CDH12: variants seen among roughly 807,000 people sequenced by gnomAD.
CDH12 encodes the protein cadherin 12.
In CDH12, 41 loss-of-function variants were observed where a neutral mutation model predicts 74.1. The observed-to-expected ratio is 0.55, with a 90% CI of 0.43 to 0.72. CDH12 has a LOEUF of 0.72. Among genes scored for constraint, CDH12 ranks in the 30% least tolerant of loss-of-function variants. The probability of loss-of-function intolerance (pLI) is 0.00; values close to 1 mark genes in which losing one functional copy is unlikely to be tolerated. For missense variants in CDH12, 945 were observed against 977.2 expected (o/e 0.97, Z 0.44); for synonymous variants, 399 against 355.0 (o/e 1.12, Z -1.39).
chr5:22,529,124 C>T (rs1416547012), intron 1 of CDH12, among the ~76,000 whole-genome samples: 1 of 96,346 alleles, frequency 1.0e-5, no homozygotes, highest in Non-Finnish European at 2.1e-5. Context: ...GCATGCAAAA[C>T]ATGAATATAT....
At chr5:21,923,097 A>G (rs994191812) in intron 6 of CDH12, among the ~76,000 whole-genome samples, 1 of 142,272 alleles carries the variant, frequency 7.0e-6, no homozygotes, top group Non-Finnish European at 1.6e-5. Context: ...CCACTTTAAT[A>G]TTTTTCTTGT....
chr5:22,186,821 A>G (rs771163769), intron 4 of CDH12, among the ~76,000 whole-genome samples: 62 of 152,182 alleles, frequency 4.1e-4, no homozygotes, highest in Non-Finnish European at 5.1e-4. Context: ...AATAAGTTGT[A>G]ATGACACAGT....
At chr5:22,121,595 TAATTAA>T (rs563041790) in intron 4 of CDH12, among the ~76,000 whole-genome samples, 195 of 152,344 alleles carry the variant, frequency 1.3e-3, no homozygotes, top group Non-Finnish European at 2.4e-3. Flanking sequence ...CAATTCTTGA[TAATTAA>T]CATTAAGTTT....
At chr5:21,826,043 C>T (rs1748653638) in intron 8 of CDH12, among the ~76,000 whole-genome samples, 2 of 152,186 alleles carry the variant, frequency 1.3e-5, no homozygotes, top group African/African-American at 2.4e-5. Flanking sequence ...TTCTACTTTA[C>T]AAACGTGGTC....
intron 1 of CDH12, among the ~76,000 whole-genome samples, chr5:22,517,185 T>C (rs1037373136): frequency 9.2e-5 from 14 of 152,098 alleles, no homozygotes; most frequent in African/African-American, 3.4e-4. Flanking sequence ...TTTTACAGTT[T>C]AAAAATAAGA....
rs565709892 is a variant in CDH12, at chr5:22,321,285, A to C, written c.-333+83972T>G. ...ATAGACTGGATTAAGAAAATGTGGC[A>C]CATATACACCATGGAATACTATGCA... On this transcript the variant is annotated intron_variant, in intron 3 of 14. Coordinates refer to ENST00000382254, the MANE Select transcript of CDH12 (RefSeq NM_004061.5). Among the ~76,000 whole-genome samples, 760 of 150,382 alleles carry C rather than the reference A, an allele frequency of 5.1e-3. 8 individuals are homozygous for C. Among genetic ancestry groups the C allele is most frequent in the African/African-American group, 0.018 (732 of 40,630 alleles).
chr5:22,191,737 TG>T (rs1750315002), intron 4 of CDH12, among the ~76,000 whole-genome samples: 1 of 150,946 alleles, frequency 6.6e-6, no homozygotes, highest in South Asian at 2.1e-4. Flanking sequence ...GCTAATTTTT[TG>T]TATTTTTAGT....
intron 3 of CDH12, among the ~76,000 whole-genome samples, chr5:22,375,860 T>G (rs200226392): frequency 6.6e-6 from 1 of 152,114 alleles, no homozygotes; most frequent in Non-Finnish European, 1.5e-5. Context: ...ATACACTTAG[T>G]GGAATGTAAA....
intron 4 of CDH12, among the ~76,000 whole-genome samples, chr5:22,193,388 G>T (rs1426607309): frequency 6.6e-6 from 1 of 152,168 alleles, no homozygotes; most frequent in Non-Finnish European, 1.5e-5. Context: ...GTTAGATGAT[G>T]GGGAAACTCC....
chr5:22,465,565 G>T (rs951744834), intron 2 of CDH12, among the ~76,000 whole-genome samples: 15 of 152,182 alleles, frequency 9.9e-5, no homozygotes, highest in Admixed American at 9.8e-4. Context: ...AGGATTGCTT[G>T]AGCCGAGGAG....
chr5:22,769,967 T>C (rs2126306412), intron 1 of CDH12, among the ~76,000 whole-genome samples: 1 of 152,032 alleles, frequency 6.6e-6, no homozygotes, highest in African/African-American at 2.4e-5. Context: ...CGGACACACA[T>C]ATGTACACAC....
chr5:22,112,806 G>A (rs551534486), intron 4 of CDH12, among the ~76,000 whole-genome samples: 2 of 152,206 alleles, frequency 1.3e-5, no homozygotes, highest in South Asian at 4.1e-4. Context: ...TAACCTCCTG[G>A]CTATATGACT....
intron 6 of CDH12, among the ~76,000 whole-genome samples, chr5:21,941,730 T>C (rs921649650): frequency 2.0e-5 from 3 of 152,180 alleles, no homozygotes; most frequent in Non-Finnish European, 4.4e-5. Flanking sequence ...GGGAGTTATA[T>C]AGGAAGACTC....
intron 4 of CDH12, among the ~76,000 whole-genome samples, chr5:22,115,138 T>A (rs1745015570): frequency 6.6e-6 from 1 of 152,212 alleles, no homozygotes; most frequent in Admixed American, 6.5e-5. Context: ...ATTCAAACAC[T>A]ATCAAATCTT....
At chr5:22,831,525 A>G (rs1197294766) in intron 1 of CDH12, among the ~76,000 whole-genome samples, 1 of 152,114 alleles carries the variant, frequency 6.6e-6, no homozygotes, top group Non-Finnish European at 1.5e-5. Flanking sequence ...TGGATAGATT[A>G]CATTAGCTAT....
At chr5:22,324,412 A>T (rs1441099898) in intron 3 of CDH12, among the ~76,000 whole-genome samples, 3 of 151,972 alleles carry the variant, frequency 2.0e-5, no homozygotes, top group Non-Finnish European at 2.9e-5. Context: ...TTACTACTTT[A>T]TTTAGGAGGT....
intron 8 of CDH12, among the ~76,000 whole-genome samples, chr5:21,824,319 G>A (rs1428472835): frequency 6.6e-6 from 1 of 152,082 alleles, no homozygotes; most frequent in East Asian, 1.9e-4. Context: ...CTTCTCTGGA[G>A]CTGCACAGTG....
intron 2 of CDH12, among the ~76,000 whole-genome samples, chr5:22,442,425 T>C (rs1230472504): frequency 2.0e-5 from 3 of 152,126 alleles, no homozygotes; most frequent in African/African-American, 7.2e-5. Flanking sequence ...GGAATGCCTG[T>C]ACCCAGGAGT....
chr5:22,152,790 C>T (rs555958019), intron 4 of CDH12, among the ~76,000 whole-genome samples: 7 of 152,210 alleles, frequency 4.6e-5, no homozygotes, highest in African/African-American at 1.7e-4. Flanking sequence ...CTCAAATATC[C>T]CTACTCTTGG....
Sources: gnomAD v4.1 joint callset for allele counts (sites outside exome capture counted in the v4.1 genomes callset) on GRCh38, gnomAD v4.1.1 for gene constraint, MANE v1.5 for transcripts, NCBI Gene and HGNC (gene_info 2026-07-23, HGNC 2026-07-21) for gene names.